Variants in CETN2 observed in about 807,000 individuals in gnomAD.
CETN2 encodes centrin 2, also known as centrin-2.
A neutral mutation model predicts 12.6 loss-of-function variants in CETN2; 2 were observed. The ratio of observed to expected loss-of-function variants is 0.16; its 90% confidence interval spans 0.07 to 0.50. CETN2 has a LOEUF of 0.50. Among genes scored for constraint, CETN2 ranks in the 20% least tolerant of loss-of-function variants. The pLI is 0.96. For synonymous variants in CETN2, 41 were observed against 43.4 expected, an observed-to-expected ratio of 0.94 and a Z score of 0.22; for missense variants, 81 against 128.3, an observed-to-expected ratio of 0.63 and a Z score of 1.78.
Position 152,828,660 on chromosome X carries a change from A to C in CETN2, c.306T>G (p.Thr102=). The C allele has an allele frequency of 8.3e-7, 1 of 1,209,495 alleles. No homozygotes were observed. Among genetic ancestry groups the C allele is most frequent in the Non-Finnish European group, 1.1e-6 (1 of 893,975 alleles). ...TGAAAGCTTTCAGGATTTCTTCTTT[A>C]GTATCTTTCTCAGACTTAACAAGTA... ...VMTQKMSEKD[T]KEEILKAFKL... The change falls in exon 4 of 5, where the codon ACT becomes ACG. Residue 102 remains threonine (T), a synonymous_variant. Transcript: ENST00000370277.
intron 3 of CETN2, 193 bp from the exon 4 acceptor site, chrX:152,828,867 C>T (rs1932975035): frequency 2.2e-6 from 1 of 453,446 alleles, no homozygotes; most frequent in Admixed American, 4.5e-5. Flanking sequence ...GCACTCCATC[C>T]AAGGTGACGT....
chrX:152,828,020 T>C, intron 4 of CETN2, 90 bp from the exon 5 acceptor site: 2 of 707,849 alleles, frequency 2.8e-6, no homozygotes, highest in South Asian at 5.3e-5. Context: ...AGATGGGGTC[T>C]CTATGCTGCC....
chrX:152,828,729 A>C (rs2301188), intron 3 of CETN2, 55 bp from the exon 4 acceptor site: 256,269 of 1,099,805 alleles, frequency 0.23, 22,776 homozygotes, highest in African/African-American at 0.56. Flanking sequence ...GTTGGTTACT[A>C]CTGTCCTGTA....
In CETN2 at chrX:152,828,675, C is replaced by CT; in HGVS notation, c.292-2dup. On this transcript the variant is annotated splice_acceptor_variant, in intron 3 of 4. Coordinates refer to ENST00000370277, the MANE Select transcript of CETN2 (RefSeq NM_004344.3). LOFTEE classifies it high-confidence loss of function. ...TTTCTTCTTTAGTATCTTTCTCAGA[C>CT]TTAACAAGTAGAACATAAAACACAT... 1 of 1,206,653 alleles carries CT rather than the reference C, an allele frequency of 8.3e-7. No individual in the cohort carries two copies. The highest frequency in any genetic ancestry group is 1.1e-6 in the Non-Finnish European group (1 of 892,449).
intron 1 of CETN2, 113 bp downstream of exon 1, chrX:152,830,595 A>T: frequency 1.1e-6 from 1 of 947,054 alleles, no homozygotes; most frequent in Non-Finnish European, 1.4e-6. Flanking sequence ...AGCTCAAAGG[A>T]AAGACTGGTG....
At chrX:152,829,576 G>A in intron 2 of CETN2, 26 bp downstream of exon 2, 3 of 1,170,701 alleles carry the variant, frequency 2.6e-6, no homozygotes, top group Non-Finnish European at 3.4e-6. Context: ...AGGAAGGGCA[G>A]TACGGCAGGA....
rs139876435 is a variant in CETN2, at chrX:152,827,489, G to A, written c.*352C>T. The A allele has an allele frequency of 6.9e-3, 1,089 of 157,196 alleles. 12 individuals carry two copies. Among genetic ancestry groups the A allele is most frequent in the African/African-American group, 0.031 (1,015 of 33,146 alleles). 13.0% of individuals were successfully genotyped at this position (157,196 alleles called of 1,213,427 possible). A position where few individuals can be genotyped will look rare whatever the true frequency, so the allele number is the denominator to read the frequency against. ...AATGACTGCTTGTGGCAACACAGGT[G>A]TAACATGTGCTTGTCTAAAGTCGTT... On this transcript the variant is annotated 3_prime_UTR_variant, in exon 5 of 5. Transcript: ENST00000370277.
chrX:152,829,789 A>G, intron 1 of CETN2, 29 bp from the exon 2 acceptor site: 1 of 1,119,527 alleles, frequency 8.9e-7, no homozygotes, highest in Admixed American at 2.4e-5. Context: ...ACACAAGCAC[A>G]ATAATATATC....
intron 2 of CETN2, 30 bp downstream of exon 2, chrX:152,829,572 G>C (rs375754823): frequency 8.6e-7 from 1 of 1,161,661 alleles, no homozygotes; most frequent in African/African-American, 1.8e-5. Flanking sequence ...GGAAAGGAAG[G>C]GCAGTACGGC....
chrX:152,827,814 T>G lies in CETN2; in HGVS notation c.*27A>C, dbSNP rs1372340224. 1.7e-6 allele frequency: 2 copies of G among 1,151,633 alleles called. No individual in the cohort carries two copies. The highest frequency in any genetic ancestry group is 3.6e-5 in the African/African-American group (2 of 55,931). 94.9% of individuals were successfully genotyped at this position (1,151,633 alleles called of 1,213,427 possible). A position where few individuals can be genotyped will look rare whatever the true frequency, so the allele number is the denominator to read the frequency against. On this transcript the variant is annotated 3_prime_UTR_variant, in exon 5 of 5. Coordinates refer to ENST00000370277, the MANE Select transcript of CETN2 (RefSeq NM_004344.3). ...AGGCACTAAATCTAGTTACATGTGC[T>G]TGCAGTAGAAAAAGAAGACACTGAT...
In CETN2 at chrX:152,829,638, C is replaced by A; in HGVS notation, c.126G>T (p.Ala42=). Reference sequence around the variant, plus strand: ...TAACATCTATGGTGCCAGTTCCATCCGCATCGAAAAGATCAAAAGCTTCCC... The same window carrying A: ...TAACATCTATGGTGCCAGTTCCATCAGCATCGAAAAGATCAAAAGCTTCCC... The part of the protein sequence containing the change: ...EIREAFDLFD[A]DGTGTIDVKE... The change falls in exon 2 of 5, where the codon GCG becomes GCT. Residue 42 remains alanine, a synonymous_variant. Transcript: ENST00000370277. The A allele has an allele frequency of 8.3e-7, 1 of 1,201,850 alleles. No individual in the cohort carries two copies. The highest frequency in any genetic ancestry group is 1.1e-6 in the Non-Finnish European group (1 of 888,698).
chrX:152,829,046 C>G, intron 3 of CETN2, 103 bp downstream of exon 3: 1 of 989,351 alleles, frequency 1.0e-6, no homozygotes, highest in Non-Finnish European at 1.4e-6. Context: ...GCAGTTGCTA[C>G]CTGGACTGCT....
intron 1 of CETN2, among the ~76,000 whole-genome samples, chrX:152,830,083 G>A (rs782576606): frequency 4.5e-5 from 5 of 112,129 alleles, no homozygotes; most frequent in South Asian, 7.4e-4. Context: ...AGCTCTTCCC[G>A]AACGTGGGGA....
chrX:152,828,001 T>A, intron 4 of CETN2, 71 bp from the exon 5 acceptor site: 2 of 929,456 alleles, frequency 2.2e-6, no homozygotes, highest in Non-Finnish European at 3.0e-6. Context: ...TAGACTTTTT[T>A]TTTTTTAGAG....
At chrX:152,828,390 T>C in intron 4 of CETN2, 147 bp downstream of exon 4, 1 of 629,936 alleles carries the variant, frequency 1.6e-6, no homozygotes, top group South Asian at 3.1e-5. Flanking sequence ...TTTGTCTGAC[T>C]ATTAAAGGAG....
rs1556842817 is a variant in CETN2 at position 152,827,908 on chromosome X, C to T, written c.452G>A (p.Arg151Gln). Residue 151 changes from arginine (R) to glutamine (Q), a missense_variant, in exon 5 of 5, where the codon CGA (arginine) becomes CAA (glutamine). Coordinates refer to ENST00000370277, the MANE Select transcript of CETN2 (RefSeq NM_004344.3). Reference sequence around the variant, plus strand: ...CTCACTGACCTCTCCATCTCCATCTCGATCAGCTTCATCAATCATTTCCTA... The same window carrying T: ...CTCACTGACCTCTCCATCTCCATCTTGATCAGCTTCATCAATCATTTCCTA... ...ELQEMIDEAD[R>Q]DGDGEVSEQE... 8.3e-7 allele frequency: 1 copy of T among 1,208,109 alleles called. No individual in the cohort carries two copies. The highest frequency in any genetic ancestry group is 1.8e-5 in the South Asian group (1 of 56,805).
Position 152,827,681 on chromosome X carries a change from G to GTT in CETN2, c.*159_*160insAA. 1 of 414,130 alleles carries GTT rather than the reference G, an allele frequency of 2.4e-6. No individual in the cohort carries two copies. The highest frequency in any genetic ancestry group is 5.4e-5 in the South Asian group (1 of 18,369). 34.1% of individuals were successfully genotyped at this position (414,130 alleles called of 1,213,427 possible). On this transcript the variant is annotated 3_prime_UTR_variant, in exon 5 of 5. Transcript: ENST00000370277. The stretch of plus-strand genomic sequence containing the variant: ...TTTTACAAAGAACTGTAATATCAAA[G>GTT]AACACTTCCAAACGGCTAAAATAGG...
At chrX:152,827,966 C>T (rs200713308) in intron 4 of CETN2, 36 bp from the exon 5 acceptor site, 44 of 1,109,768 alleles carry the variant, frequency 4.0e-5, no homozygotes, top group Non-Finnish European at 4.9e-5. Flanking sequence ...AATTTATAAA[C>T]TAATGCCAAA....
Position 152,827,545 on chromosome X carries a change from C to T in CETN2, c.*296G>A, listed in dbSNP as rs1338902426. 1.8e-5 allele frequency: 4 copies of T among 217,595 alleles called. No homozygotes were observed. The highest frequency in any genetic ancestry group is 2.8e-5 in the African/African-American group (1 of 35,426). The allele number at this position is 217,595 out of a possible 1,213,427, so 17.9% of individuals were successfully genotyped here. A position where few individuals can be genotyped will look rare whatever the true frequency, so the allele number is the denominator to read the frequency against. On this transcript the variant is annotated 3_prime_UTR_variant, in exon 5 of 5. Transcript: ENST00000370277. The stretch of plus-strand genomic sequence containing the variant: ...TTTGTGGATATGTGGAAATGCATGA[C>T]GAGGGAAACGATGCAAGGCAAAATG...
Sources: allele counts gnomAD v4.1 joint callset (sites outside exome capture counted in the v4.1 genomes callset), GRCh38; gene constraint gnomAD v4.1.1; transcripts MANE v1.5; gene names NCBI Gene and HGNC (gene_info 2026-07-23, HGNC 2026-07-21).